The following CREBBP variants were observed in gnomAD, a reference collection of about 807,000 sequenced individuals.
CREBBP encodes the protein CREB binding lysine acetyltransferase.
Under a neutral mutation model 265.0 loss-of-function variants are expected in CREBBP, and 19 were observed. That is an observed-to-expected ratio of 0.07 (90% CI 0.05 to 0.11). The LOEUF (loss-of-function observed/expected upper bound fraction) is 0.11, where lower values mean the gene tolerates loss of function less well. CREBBP is among the 10% of genes least tolerant of loss of function. CREBBP has a pLI of 1.00. For synonymous variants in CREBBP, 1,457 were observed against 1,223.7 expected, an observed-to-expected ratio of 1.19 and a Z score of -3.98; for missense variants, 2,525 against 3,219.0, an observed-to-expected ratio of 0.78 and a Z score of 5.22.
At chr16:3,806,011 G>A (rs757787104) in intron 3 of CREBBP, among the ~76,000 whole-genome samples, 13 of 152,180 alleles carry the variant, frequency 8.5e-5, no homozygotes, top group Admixed American at 3.3e-4. Context: ...CTGCACCTTC[G>A]TCCTAAGAGA....
intron 1 of CREBBP, among the ~76,000 whole-genome samples, chr16:3,851,792 TG>T (rs1438724851): frequency 2.1e-4 from 29 of 140,364 alleles, no homozygotes. Context: ...AAGCGGAGCT[TG>T]CAGTGAGCCG....
chr16:3,738,774 CT>C (rs2151334937), intron 25 of CREBBP, 102 bp from the exon 26 acceptor site: 1 of 787,724 alleles, frequency 1.3e-6, no homozygotes, highest in Non-Finnish European at 2.2e-6. Flanking sequence ...TAGACAGGGT[CT>C]TGCTCTGTCA....
intron 2 of CREBBP, among the ~76,000 whole-genome samples, chr16:3,823,476 C>CA (rs2054179094): frequency 6.6e-6 from 1 of 152,122 alleles, no homozygotes. Flanking sequence ...GAAGACATTT[C>CA]AAGGAGCCTC....
At chr16:3,824,999 G>A (rs1326967898) in intron 2 of CREBBP, among the ~76,000 whole-genome samples, 1 of 152,190 alleles carries the variant, frequency 6.6e-6, no homozygotes, top group Non-Finnish European at 1.5e-5. Context: ...ACAAAGCACT[G>A]TGCAATCTTG....
chr16:3,762,024 C>G (rs1290862974), intron 16 of CREBBP, among the ~76,000 whole-genome samples: 1 of 152,196 alleles, frequency 6.6e-6, no homozygotes, highest in Non-Finnish European at 1.5e-5. Context: ...GAAAAGAATA[C>G]TATTTCATGA....
Position 3,731,752 on chromosome 16 carries a change from T to A in CREBBP, c.4890+24A>T, listed in dbSNP as rs2151318594. The A allele has an allele frequency of 1.2e-6, 2 of 1,614,122 alleles. No individual in the cohort carries two copies. Among genetic ancestry groups the A allele is most frequent in the Non-Finnish European group, 1.7e-6 (2 of 1,180,010 alleles). On this transcript the variant is annotated intron_variant, in intron 29 of 30. Transcript: ENST00000262367. The surrounding 1 kb of genome is among the most constrained non-coding windows in gnomAD (Gnocchi z 7.7). ...CCCTCCTCCCGGCCAGAGGCACGGC[T>A]GCAGCACCGCAGCCCACGCCTACCT...
At chr16:3,868,644 A>G (rs995642031) in intron 1 of CREBBP, among the ~76,000 whole-genome samples, 2 of 152,088 alleles carry the variant, frequency 1.3e-5, no homozygotes, top group Non-Finnish European at 2.9e-5. Flanking sequence ...CTCACCCTCA[A>G]TGAGCTCTGG....
At chr16:3,776,117 C>T (rs943828366) in intron 11 of CREBBP, among the ~76,000 whole-genome samples, 3 of 152,006 alleles carry the variant, frequency 2.0e-5, no homozygotes, top group African/African-American at 7.2e-5. Flanking sequence ...GGGGTTTCAC[C>T]ATGTTGGCTA....
At chr16:3,871,400 TCA>T (rs756469532) in intron 1 of CREBBP, among the ~76,000 whole-genome samples, 71 of 152,346 alleles carry the variant, frequency 4.7e-4, no homozygotes, top group Non-Finnish European at 7.9e-4. Flanking sequence ...CAACTGTGAC[TCA>T]CAGTTAGAAG....
chr16:3,751,883 C>G (rs2052482305), intron 19 of CREBBP, 77 bp from the exon 20 acceptor site: 1 of 1,327,936 alleles, frequency 7.5e-7, no homozygotes, highest in Non-Finnish European at 1.1e-6. Flanking sequence ...AGCCACCAAT[C>G]AGAGCAGGGC....
chr16:3,760,354 A>G (rs1358389202), intron 16 of CREBBP, among the ~76,000 whole-genome samples: 4 of 147,744 alleles, frequency 2.7e-5, no homozygotes, highest in African/African-American at 5.0e-5. Flanking sequence ...AGCCTTCCAA[A>G]GTGCTGAGAT....
chr16:3,772,145 T>C (rs2053025968), intron 13 of CREBBP, among the ~76,000 whole-genome samples: 1 of 151,820 alleles, frequency 6.6e-6, no homozygotes, highest in South Asian at 2.1e-4. Context: ...ATGTACCCAA[T>C]GTTCTTTAAC....
intron 5 of CREBBP, among the ~76,000 whole-genome samples, chr16:3,783,264 T>G (rs2053315065): frequency 6.6e-6 from 1 of 152,154 alleles, no homozygotes; most frequent in South Asian, 2.1e-4. Context: ...GTGGCAAATG[T>G]ATGACAAGGG....
chr16:3,871,199 TCACACACACACACACA>T (rs1037838119), intron 1 of CREBBP, among the ~76,000 whole-genome samples: 10 of 49,824 alleles, frequency 2.0e-4, no homozygotes, highest in African/African-American at 5.9e-4. Context: ...TCTCTCTCAC[TCACACACACACACACA>T]CACACACACA....
At chr16:3,745,706 C>T in intron 21 of CREBBP, 1 of 384,910 alleles carries the variant, frequency 2.6e-6, no homozygotes, top group Non-Finnish European at 4.9e-6. Context: ...AATGCCTTCT[C>T]TAGGTGATTT....
chr16:3,801,611 A>C (rs1294172671), intron 3 of CREBBP, among the ~76,000 whole-genome samples: 1 of 152,172 alleles, frequency 6.6e-6, no homozygotes, highest in African/African-American at 2.4e-5. Context: ...TGGAGGCGTC[A>C]GTGAGCAGAG....
chr16:3,851,306 T>TAAA lies in CREBBP; in HGVS notation c.86-300_86-298dup, dbSNP rs1160251196. On this transcript the variant is annotated intron_variant, in intron 1 of 30. Coordinates refer to ENST00000262367, the MANE Select transcript of CREBBP (RefSeq NM_004380.3). The stretch of plus-strand genomic sequence containing the variant: ...ACCGTCTCAAAAAAAAAAAAAAAAT[T>TAAA]AAAAAAAAAAAAAAAAAAAGAGTAA... Among the ~76,000 whole-genome samples, 55 of 76,474 alleles carry TAAA rather than the reference T, an allele frequency of 7.2e-4. 2 individuals carry two copies. The highest frequency in any genetic ancestry group is 3.1e-3 in the South Asian group (8 of 2,550). The allele number at this position is 76,474 out of a possible 152,430, so 50.2% of individuals were successfully genotyped here. A position where few individuals can be genotyped will look rare whatever the true frequency, so the allele number is the denominator to read the frequency against.
chr16:3,826,757 A>G (rs371486080), intron 2 of CREBBP, among the ~76,000 whole-genome samples: 2 of 152,216 alleles, frequency 1.3e-5, no homozygotes, highest in East Asian at 3.8e-4. Flanking sequence ...AGGACGATTA[A>G]AAGTAATGGG....
chr16:3,863,725 AG>A (rs1433916965), intron 1 of CREBBP, among the ~76,000 whole-genome samples: 3 of 152,212 alleles, frequency 2.0e-5, no homozygotes. Context: ...TAGCAGTCAC[AG>A]GGAAGTGCCA....
Sources: gnomAD v4.1 joint callset for allele counts (sites outside exome capture counted in the v4.1 genomes callset) on GRCh38, gnomAD v4.1.1 for gene constraint, Gnocchi (gnomAD v3.1) non-coding constraint, MANE v1.5 for transcripts, NCBI Gene and HGNC (gene_info 2026-07-23, HGNC 2026-07-21) for gene names.